Variants in PCDH11Y observed in about 807,000 individuals in gnomAD.
The protein encoded by PCDH11Y is protocadherin 11 Y-linked.
For synonymous variants in PCDH11Y, 9 were observed against 83.6 expected (o/e 0.11, Z 4.87); for missense variants, 12 against 224.8 (o/e 0.05, Z 6.05).
intron 3 of PCDH11Y, among the ~76,000 whole-genome samples, chrY:5,509,875 G>A: frequency 3.4e-5 from 1 of 29,541 alleles, no homozygotes; most frequent in East Asian, 8.6e-4. Context: ...TTTTGGCCGG[G>A]CACGGTGGCT....
At chrY:5,705,767 A>AT (rs2124712547) in intron 4 of PCDH11Y, among the ~76,000 whole-genome samples, 1 of 31,353 alleles carries the variant, frequency 3.2e-5, no homozygotes, top group East Asian at 8.3e-4. Context: ...ATCTTATGGT[A>AT]TTTTTTCCTA....
chrY:5,355,782 A>G, intron 2 of PCDH11Y, among the ~76,000 whole-genome samples: 1 of 33,509 alleles, frequency 3.0e-5, no homozygotes, highest in Admixed American at 2.8e-4. Flanking sequence ...CTTAGATTCC[A>G]TTTAAAAAAT....
At chrY:5,302,465 A>C in intron 2 of PCDH11Y, among the ~76,000 whole-genome samples, 1 of 32,079 alleles carries the variant, frequency 3.1e-5, no homozygotes, top group Non-Finnish European at 7.6e-5. Context: ...ACTTAAATGA[A>C]TATTTCACAA....
chrY:5,726,982 G>C, intron 4 of PCDH11Y, among the ~76,000 whole-genome samples: 1 of 32,908 alleles, frequency 3.0e-5, no homozygotes, highest in Non-Finnish European at 7.5e-5. Flanking sequence ...TAATCTCCTA[G>C]GGACACGTTT....
chrY:5,054,574 A>G, upstream of PCDH11Y, among the ~76,000 whole-genome samples: 1 of 24,986 alleles, frequency 4.0e-5, no homozygotes, highest in African/African-American at 1.6e-4. Context: ...CAGTTGTAAT[A>G]ATGTGTAATA....
intron 1 of PCDH11Y, among the ~76,000 whole-genome samples, chrY:5,014,986 T>C: frequency 3.0e-5 from 1 of 33,480 alleles, no homozygotes; most frequent in East Asian, 7.8e-4. Context: ...CCCTGTTTAG[T>C]TTCTTTAGTG....
intron 1 of PCDH11Y, among the ~76,000 whole-genome samples, chrY:5,062,193 T>C: frequency 3.3e-5 from 1 of 30,272 alleles, no homozygotes. Context: ...TGTGTAACAT[T>C]AGAAGTGAGT....
chrY:5,672,590 C>G (rs2053550534), intron 4 of PCDH11Y, among the ~76,000 whole-genome samples: 1 of 31,337 alleles, frequency 3.2e-5, no homozygotes, highest in East Asian at 8.4e-4. Flanking sequence ...ACTAATGACC[C>G]TTTGAATTTC....
intron 2 of PCDH11Y, among the ~76,000 whole-genome samples, chrY:5,351,853 T>C: frequency 6.6e-5 from 2 of 30,342 alleles, no homozygotes; most frequent in Non-Finnish European, 1.6e-4. Flanking sequence ...CATTTATTGG[T>C]GTTTTCATTT....
chrY:5,238,177 A>G (rs2052979393), intron 2 of PCDH11Y, among the ~76,000 whole-genome samples: 1 of 33,269 alleles, frequency 3.0e-5, no homozygotes, highest in Admixed American at 2.8e-4. Context: ...AAACTATACT[A>G]CAAGGCTACA....
At chrY:5,431,501 C>T in intron 2 of PCDH11Y, among the ~76,000 whole-genome samples, 1 of 32,984 alleles carries the variant, frequency 3.0e-5, no homozygotes, top group African/African-American at 1.2e-4. Context: ...GTAGGCTAGA[C>T]AAATATGAAC....
intron 3 of PCDH11Y, among the ~76,000 whole-genome samples, chrY:5,564,486 CA>C (rs2053432458): frequency 3.1e-5 from 1 of 31,847 alleles, no homozygotes; most frequent in African/African-American, 1.2e-4. Context: ...AGAGGCCTGT[CA>C]AAAAAGTTTC....
intron 2 of PCDH11Y, among the ~76,000 whole-genome samples, chrY:5,137,726 C>T (rs750685588): frequency 3.0e-5 from 1 of 32,948 alleles, no homozygotes; most frequent in Non-Finnish European, 7.5e-5. Flanking sequence ...ATACCACAAT[C>T]GTATATACGC....
chrY:5,728,108 T>C, intron 4 of PCDH11Y, among the ~76,000 whole-genome samples: 1 of 33,488 alleles, frequency 3.0e-5, no homozygotes, highest in Admixed American at 2.7e-4. Flanking sequence ...AATATGCTTC[T>C]TTTTATTGCT....
At chrY:5,293,965 G>A in intron 2 of PCDH11Y, among the ~76,000 whole-genome samples, 2 of 32,003 alleles carry the variant, frequency 6.2e-5, no homozygotes, top group Non-Finnish European at 1.5e-4. Context: ...TAGGTGAAAT[G>A]TGTTTCTTGT....
chrY:5,649,831 T>C (rs2053529787), intron 4 of PCDH11Y, among the ~76,000 whole-genome samples: 4 of 33,037 alleles, frequency 1.2e-4, no homozygotes, highest in African/African-American at 3.5e-4. Flanking sequence ...TTAAAAGATG[T>C]AGAAGGAATG....
intron 1 of PCDH11Y, among the ~76,000 whole-genome samples, chrY:5,064,665 C>CG (rs2052682464): frequency 7.2e-4 from 11 of 15,286 alleles, no homozygotes; most frequent in African/African-American, 4.1e-3. Flanking sequence ...TACATACATA[C>CG]TTGTGTGTGT....
intron 2 of PCDH11Y, among the ~76,000 whole-genome samples, chrY:5,435,352 C>T (rs2053273452): frequency 1.3e-4 from 3 of 22,238 alleles, no homozygotes; most frequent in African/African-American, 3.7e-4. Context: ...CTCGCTCTGT[C>T]GCCCAGGCTG....
chrY:5,049,531 A>G (rs2052647961), intron 3 of PCDH11Y, among the ~76,000 whole-genome samples: 2 of 31,239 alleles, frequency 6.4e-5, no homozygotes, highest in Non-Finnish European at 7.7e-5. Context: ...ATACTTATTA[A>G]TGCAAATTCC....
Sources: allele counts gnomAD v4.1 joint callset (sites outside exome capture counted in the v4.1 genomes callset), GRCh38; gene constraint gnomAD v4.1.1; transcripts MANE v1.5; gene names NCBI Gene and HGNC (gene_info 2026-07-23, HGNC 2026-07-21).